The following POMC variants were observed in gnomAD, a reference collection of about 807,000 sequenced individuals.
The protein encoded by POMC is proopiomelanocortin.
In POMC, 19 loss-of-function variants were observed where a neutral mutation model predicts 18.5. The observed-to-expected ratio is 1.03, with a 90% CI of 0.72 to 1.51. The LOEUF is 1.51. Ranked by LOEUF, POMC falls within the 40% of genes most tolerant of loss-of-function variation. The pLI is 0.00. For synonymous variants in POMC, 179 were observed against 161.9 expected (o/e 1.11, Z -0.80); for missense variants, 451 against 379.0 (o/e 1.19, Z -1.58).
At chr2:25,167,734 G>GCGTT (rs1671605467) in intron 1 of POMC, among the ~76,000 whole-genome samples, 1 of 152,186 alleles carries the variant, frequency 6.6e-6, no homozygotes. Context: ...GGAAGGCAGG[G>GCGTT]CGTTCATTAT....
Position 25,160,891 on chromosome 2 carries a change from A to G in POMC, c.*190T>C. ...GGCTACGTATTTTTACTTTATTCAC[A>G]CAGTTTACATTCAAAGTCAGAGGTG... On this transcript the variant is annotated 3_prime_UTR_variant, in exon 3 of 3. Coordinates refer to ENST00000395826, the MANE Select transcript of POMC (RefSeq NM_000939.4). 1 of 937,742 alleles carries G rather than the reference A, an allele frequency of 1.1e-6. No homozygotes were observed. Among genetic ancestry groups the G allele is most frequent in the Non-Finnish European group, 1.5e-6 (1 of 645,334 alleles). The allele number at this position is 937,742 out of a possible 1,614,324, so 58.1% of individuals were successfully genotyped here.
intron 2 of POMC, among the ~76,000 whole-genome samples, chr2:25,162,959 C>T (rs999980305): frequency 2.0e-5 from 3 of 151,626 alleles, no homozygotes; most frequent in Admixed American, 6.6e-5. Context: ...TCCATTGCAC[C>T]GTCTGTGGAA....
chr2:25,160,961 T>C lies in POMC; in HGVS notation c.*120A>G, dbSNP rs886055853. ...TTTATTTCCTAACTACAGGCAGCTTTAAGAGGCTGATTATCTGCCACGACC... is the reference window on the plus strand; with the variant it reads ...TTTATTTCCTAACTACAGGCAGCTTCAAGAGGCTGATTATCTGCCACGACC... On this transcript the variant is annotated 3_prime_UTR_variant, in exon 3 of 3. Transcript: ENST00000395826. 262 of 1,502,220 alleles carry C rather than the reference T, an allele frequency of 1.7e-4. No individual in the cohort carries two copies. The highest frequency in any genetic ancestry group is 2.2e-4 in the Non-Finnish European group (247 of 1,115,502). The allele number at this position is 1,502,220 out of a possible 1,614,324, so 93.1% of individuals were successfully genotyped here.
Position 25,168,416 on chromosome 2 carries a change from C to CCGG in POMC, c.-21+79_-21+81dup, listed in dbSNP as rs1297334487. 1.3e-5 allele frequency: 2 copies of CCGG among 152,260 alleles called. No homozygotes were observed. Among genetic ancestry groups the CCGG allele is most frequent in the Non-Finnish European group, 2.9e-5 (2 of 68,070 alleles). 9.4% of individuals were successfully genotyped at this position (152,260 alleles called of 1,614,324 possible). The stretch of plus-strand genomic sequence containing the variant: ...GAGGCGCCCAGGTCCGCCTTCGGAG[C>CCGG]CGGAGCCGGCCGACTGCATCGCGAG... On this transcript the variant is annotated intron_variant, in intron 1 of 2. Coordinates refer to ENST00000395826, the MANE Select transcript of POMC (RefSeq NM_000939.4). The surrounding 1 kb of genome is among the most constrained non-coding windows in gnomAD (Gnocchi z 5.2).
chr2:25,166,268 G>A (rs529607123), intron 1 of POMC, among the ~76,000 whole-genome samples: 11 of 152,188 alleles, frequency 7.2e-5, no homozygotes, highest in South Asian at 6.2e-4. Context: ...GGTGCGCTTC[G>A]GCTAAAGGGG....
chr2:25,167,345 C>T (rs759120277), intron 1 of POMC, among the ~76,000 whole-genome samples: 2 of 152,250 alleles, frequency 1.3e-5, no homozygotes, highest in Non-Finnish European at 2.9e-5. Context: ...TAAGAACCCT[C>T]CCTGCCCCAT....
rs891077265 is a variant in POMC, at chr2:25,168,311, C to T, written c.-21+187G>A. ...TCCGCCCAGGGGCCGGACGTGGGCC[C>T]TCCAGCTCAGCTACTGGCGGCTTCT... is the stretch of plus-strand genomic sequence containing the variant. On this transcript the variant is annotated intron_variant, in intron 1 of 2. Transcript: ENST00000395826. This position sits in a 1 kb window ranked among gnomAD's most constrained non-coding sequence, Gnocchi z 5.2. 6.6e-5 allele frequency among the ~76,000 whole-genome samples: 10 copies of T among 152,238 alleles called. No homozygotes were observed. The highest frequency in any genetic ancestry group is 1.5e-4 in the Non-Finnish European group (10 of 68,032).
At chr2:25,164,512 C>T in intron 2 of POMC, 129 bp downstream of exon 2, 2 of 1,472,438 alleles carry the variant, frequency 1.4e-6, no homozygotes, top group Non-Finnish European at 1.9e-6. Flanking sequence ...AGTTTTGCTC[C>T]TGCCCTGGAT....
chr2:25,161,477 C>T lies in POMC; in HGVS notation c.408G>A (p.Lys136=). 1.9e-6 allele frequency: 3 copies of T among 1,607,860 alleles called. No individual in the cohort carries two copies. The highest frequency in any genetic ancestry group is 1.7e-6 in the Non-Finnish European group (2 of 1,178,090). Residue 136 remains lysine (K), a synonymous_variant, in exon 3 of 3, where the codon AAG becomes AAA. Coordinates refer to ENST00000395826, the MANE Select transcript of POMC (RefSeq NM_000939.4). This position sits in a 1 kb window ranked among gnomAD's most constrained non-coding sequence, Gnocchi z 5.7. ...GGAAGTGCTCCATGGAGTAGGAGCG[C>T]TTGCCCTCGCGCGGGCCCGGCTTGG... is the stretch of plus-strand genomic sequence containing the variant. ...DGAKPGPREG[K]RSYSMEHFRW...
intron 1 of POMC, among the ~76,000 whole-genome samples, chr2:25,166,143 G>A (rs1170197513): frequency 2.6e-5 from 4 of 152,138 alleles, no homozygotes; most frequent in Non-Finnish European, 4.4e-5. Flanking sequence ...CCCCACCCTC[G>A]CCCTATTCCC....
chr2:25,163,997 C>CA (rs1558630123), intron 2 of POMC, among the ~76,000 whole-genome samples: 1 of 151,806 alleles, frequency 6.6e-6, no homozygotes, highest in East Asian at 1.9e-4. Context: ...ACACACACAC[C>CA]CCCCACAGGC....
Position 25,161,768 on chromosome 2 carries a change from AG to A in POMC, c.133-17del. Reference sequence around the variant, plus strand: ...GGATGCACTCCTGGGGGAAGACGCGAGGGCATGAGGGCAGCCCGTGCCCCGC... The same window carrying A: ...GGATGCACTCCTGGGGGAAGACGCGAGGCATGAGGGCAGCCCGTGCCCCGC... On this transcript the variant is annotated splice_polypyrimidine_tract_variant and intron_variant, in intron 2 of 2. Transcript: ENST00000395826. This position sits in a 1 kb window ranked among gnomAD's most constrained non-coding sequence, Gnocchi z 5.7. The A allele has an allele frequency of 6.3e-7, 1 of 1,577,840 alleles. No individual in the cohort carries two copies. The highest frequency in any genetic ancestry group is 8.6e-7 in the Non-Finnish European group (1 of 1,163,630).
In POMC at chr2:25,161,280, T is replaced by G; in HGVS notation, c.605A>C (p.Gln202Pro). ...DGPADDGAGAQADLEHSLLVA... is the reference protein window; with the variant it reads ...DGPADDGAGAPADLEHSLLVA... ...CAGCAGGCTGTGCTCCAGGTCGGCC[T>G]GGGCCCCTGCGCCGTCATCGGCAGG... Residue 202 changes from glutamine (Q) to proline (P), a missense_variant, in exon 3 of 3, where the codon CAG becomes CCG. By Grantham distance (76) the Gln-to-Pro change is moderately conservative (BLOSUM62 -1). Coordinates refer to ENST00000395826, the MANE Select transcript of POMC (RefSeq NM_000939.4). This position sits in a 1 kb window ranked among gnomAD's most constrained non-coding sequence, Gnocchi z 5.7. The G allele has an allele frequency of 1.2e-6, 2 of 1,611,452 alleles. No homozygotes were observed. Among genetic ancestry groups the G allele is most frequent in the South Asian group, 2.2e-5 (2 of 90,552 alleles).
Position 25,160,975 on chromosome 2 carries a change from T to C in POMC, c.*106A>G. The C allele has an allele frequency of 6.5e-7, 1 of 1,548,402 alleles. No individual in the cohort carries two copies. The highest frequency in any genetic ancestry group is 8.7e-7 in the Non-Finnish European group (1 of 1,148,464). ...ACAGGCAGCTTTAAGAGGCTGATTA[T>C]CTGCCACGACCCCCCAGGCTGGGAG... On this transcript the variant is annotated 3_prime_UTR_variant, in exon 3 of 3. Transcript: ENST00000395826.
At chr2:25,163,151 T>G (rs1433350625) in intron 2 of POMC, among the ~76,000 whole-genome samples, 2 of 152,244 alleles carry the variant, frequency 1.3e-5, no homozygotes, top group Admixed American at 6.5e-5. Context: ...TCTGTTGAGC[T>G]GGACATTGCC....
At position 25,161,505 on chromosome 2, in the gene POMC, C is replaced by T. The variant is rs768299768; in HGVS notation, c.380G>A (p.Gly127Asp). 6.2e-7 allele frequency: 1 copy of T among 1,600,666 alleles called. No homozygotes were observed. The highest frequency in any genetic ancestry group is 1.7e-5 in the Admixed American group (1 of 58,900). ...PEGGPEPRSDGAKPGPREGKR... is the reference protein window; with the variant it reads ...PEGGPEPRSDDAKPGPREGKR... ...GCCCTCGCGCGGGCCCGGCTTGGCA[C>T]CATCGCTGCGGGGCTCGGGGCCGCC... The change falls in exon 3 of 3, where the codon GGT becomes GAT. Residue 127 changes from glycine to aspartate, a missense_variant. Transcript: ENST00000395826. The surrounding 1 kb of genome is among the most constrained non-coding windows in gnomAD (Gnocchi z 5.7).
chr2:25,164,916 G>T, intron 1 of POMC, 124 bp from the exon 2 acceptor site: 1 of 1,039,678 alleles, frequency 9.6e-7, no homozygotes, highest in East Asian at 2.6e-5. Flanking sequence ...GGCATTTTAA[G>T]GACAGCAGCA....
intron 1 of POMC, among the ~76,000 whole-genome samples, chr2:25,167,497 C>T (rs946962930): frequency 6.6e-5 from 10 of 152,156 alleles, no homozygotes; most frequent in Admixed American, 1.3e-4. Flanking sequence ...CCGTCCACCC[C>T]GGTTCTGTTG....
chr2:25,164,979 G>A (rs1187577557), intron 1 of POMC, among the ~76,000 whole-genome samples, 187 bp from the exon 2 acceptor site: 1 of 31,578 alleles, frequency 3.2e-5, no homozygotes, highest in Non-Finnish European at 6.0e-5. Flanking sequence ...GTGATAAGGA[G>A]GAGGGAATGG....
Sources: gnomAD v4.1 joint callset for allele counts (sites outside exome capture counted in the v4.1 genomes callset) on GRCh38, gnomAD v4.1.1 for gene constraint, Gnocchi (gnomAD v3.1) non-coding constraint, MANE v1.5 for transcripts, NCBI Gene and HGNC (gene_info 2026-07-23, HGNC 2026-07-21) for gene names.